AGPS: variants seen among roughly 807,000 people sequenced by gnomAD.
AGPS encodes alkylglycerone phosphate synthase, also known as alkyldihydroxyacetonephosphate synthase, peroxisomal.
A neutral mutation model predicts 90.7 loss-of-function variants in AGPS; 26 were observed. That is an observed-to-expected ratio of 0.29 (90% CI 0.21 to 0.40). AGPS has a LOEUF of 0.40. AGPS is among the 10% of genes least tolerant of loss of function. AGPS has a pLI of 1.00. For missense variants in AGPS, 540 were observed against 816.1 expected (o/e 0.66, Z 4.12); for synonymous variants, 294 against 285.3 (o/e 1.03, Z -0.31).
At chr2:177,506,392 A>C (rs1688713013) in intron 15 of AGPS, among the ~76,000 whole-genome samples, 1 of 151,780 alleles carries the variant, frequency 6.6e-6, no homozygotes, top group Admixed American at 6.6e-5. Context: ...TTTTCAGGGT[A>C]CGTATGATAT....
intron 1 of AGPS, among the ~76,000 whole-genome samples, chr2:177,405,003 G>C (rs928231238): frequency 1.3e-5 from 2 of 152,188 alleles, no homozygotes; most frequent in African/African-American, 4.8e-5. Context: ...TATTCTAAGA[G>C]TACAGGGGTG....
Position 177,468,264 on chromosome 2 carries a change from A to G in AGPS, c.997-152A>G. Reference sequence around the variant, plus strand: ...ATTTAACTTTAGTCTAAAAATTACTAAAAGATACTAGAATTCTTAAAAGCA... The same window carrying G: ...ATTTAACTTTAGTCTAAAAATTACTGAAAGATACTAGAATTCTTAAAAGCA... On this transcript the variant is annotated intron_variant, in intron 9 of 19. Transcript: ENST00000264167. 3 of 504,414 alleles carry G rather than the reference A, an allele frequency of 5.9e-6. No homozygotes were observed. In the South Asian group the frequency reaches 1.1e-4, roughly 19 times the overall value. 31.2% of individuals were successfully genotyped at this position (504,414 alleles called of 1,614,324 possible).
Position 177,542,327 on chromosome 2 carries a change from A to G in AGPS, c.*4132A>G, listed in dbSNP as rs544412431. 147 of 152,268 alleles carry G rather than the reference A, an allele frequency of 9.7e-4. No individual in the cohort carries two copies. Among genetic ancestry groups the G allele is most frequent in the Admixed American group, 3.9e-3 (59 of 15,286 alleles). 9.4% of individuals were successfully genotyped at this position (152,268 alleles called of 1,614,324 possible). On this transcript the variant is annotated 3_prime_UTR_variant, in exon 20 of 20. Coordinates refer to ENST00000264167, the MANE Select transcript of AGPS (RefSeq NM_003659.4). ...ATTCCCAGGAGGCTTTGAGACTCCT[A>G]TGAACCTGAAGCACTCCCTTTTGAA...
chr2:177,419,547 A>G (rs1365413868), intron 1 of AGPS, among the ~76,000 whole-genome samples: 1 of 151,936 alleles, frequency 6.6e-6, no homozygotes, highest in African/African-American at 2.4e-5. Flanking sequence ...GCAAAATTGA[A>G]TGATTCAACC....
At chr2:177,396,871 C>G (rs1574335801) in intron 1 of AGPS, among the ~76,000 whole-genome samples, 1 of 151,774 alleles carries the variant, frequency 6.6e-6, no homozygotes, top group Non-Finnish European at 1.5e-5. Context: ...GAGGGCTGAC[C>G]AAACAAAACC....
intron 11 of AGPS, among the ~76,000 whole-genome samples, chr2:177,488,654 A>G (rs12618139): frequency 0.1 from 15,882 of 152,134 alleles, 1,160 homozygotes; most frequent in East Asian, 0.34. Flanking sequence ...AAATTTTTGT[A>G]TAGCACATGG....
intron 11 of AGPS, among the ~76,000 whole-genome samples, chr2:177,489,116 G>A (rs1283958958): frequency 2.1e-5 from 3 of 140,986 alleles, no homozygotes; most frequent in Admixed American, 7.6e-5. Context: ...ACGGAGTCTC[G>A]CTCTATTGCC....
Position 177,541,368 on chromosome 2 carries a change from A to G in AGPS, c.*3173A>G, listed in dbSNP as rs2079233596. ...AGCTACAACTTAACTGTAGCTTATC[A>G]GAGAAGCTCTGTAGTCCTACACTGA... On this transcript the variant is annotated 3_prime_UTR_variant, in exon 20 of 20. Transcript: ENST00000264167. 6.6e-6 allele frequency: 1 copy of G among 152,156 alleles called. No homozygotes were observed. The highest frequency in any genetic ancestry group is 1.5e-5 in the Non-Finnish European group (1 of 68,020). 9.4% of individuals were successfully genotyped at this position (152,156 alleles called of 1,614,324 possible). A position where few individuals can be genotyped will look rare whatever the true frequency, so the allele number is the denominator to read the frequency against.
chr2:177,542,401 A>G lies in AGPS; in HGVS notation c.*4206A>G, dbSNP rs1227141313. The stretch of plus-strand genomic sequence containing the variant: ...AGCACTCTTGTGCTCTTCTAATCAT[A>G]ATTAATTCCTTAACAAATCAGAGTA... On this transcript the variant is annotated 3_prime_UTR_variant, in exon 20 of 20. Transcript: ENST00000264167. The G allele has an allele frequency of 6.6e-6, 1 of 152,184 alleles. No individual in the cohort carries two copies. Among genetic ancestry groups the G allele is most frequent in the Non-Finnish European group, 1.5e-5 (1 of 68,034 alleles). The allele number at this position is 152,184 out of a possible 1,614,324, so 9.4% of individuals were successfully genotyped here. A position where few individuals can be genotyped will look rare whatever the true frequency, so the allele number is the denominator to read the frequency against.
intron 11 of AGPS, among the ~76,000 whole-genome samples, chr2:177,485,990 C>T (rs1688082543): frequency 6.6e-6 from 1 of 152,166 alleles, no homozygotes; most frequent in Non-Finnish European, 1.5e-5. Context: ...ATAGACAGTG[C>T]TACCATGTGG....
intron 10 of AGPS, among the ~76,000 whole-genome samples, chr2:177,479,716 G>C (rs924186417): frequency 6.6e-6 from 1 of 152,226 alleles, no homozygotes; most frequent in Non-Finnish European, 1.5e-5. Context: ...GTCCAGAATA[G>C]GCAAGTCTGT....
At chr2:177,419,622 G>A (rs1360736222) in intron 1 of AGPS, among the ~76,000 whole-genome samples, 2 of 151,854 alleles carry the variant, frequency 1.3e-5, no homozygotes, top group Non-Finnish European at 3.0e-5. Context: ...ATTAAAAATA[G>A]CATGTTATGA....
chr2:177,521,228 C>A, intron 17 of AGPS, 41 bp from the exon 18 acceptor site: 1 of 1,534,240 alleles, frequency 6.5e-7, no homozygotes, highest in Non-Finnish European at 9.0e-7. Context: ...TCTGATTTCA[C>A]TTAACTTAAA....
rs10618529 is a variant in AGPS at position 177,444,420 on chromosome 2, CAAAAAAA to C, written c.790-1112_790-1106del. Among the ~76,000 whole-genome samples the C allele has an allele frequency of 4.8e-3, 436 of 90,992 alleles. 1 individual carries two copies. Among genetic ancestry groups the C allele is most frequent in the African/African-American group, 0.015 (413 of 27,856 alleles). The allele number at this position is 90,992 out of a possible 152,430, so 59.7% of individuals were successfully genotyped here. A position where few individuals can be genotyped will look rare whatever the true frequency, so the allele number is the denominator to read the frequency against. On this transcript the variant is annotated intron_variant, in intron 7 of 19. Coordinates refer to ENST00000264167, the MANE Select transcript of AGPS (RefSeq NM_003659.4). ...TGGGTGACAGAGCAAGACTCTGTCT[CAAAAAAA>C]AAAAAAAAAAAAAGAAAGAAAGAAA... is the stretch of plus-strand genomic sequence containing the variant.
At chr2:177,491,856 G>A (rs562592319) in intron 11 of AGPS, among the ~76,000 whole-genome samples, 3 of 139,890 alleles carry the variant, frequency 2.1e-5, no homozygotes, top group East Asian at 2.1e-4. Context: ...CACAATCTTC[G>A]CTCACTGCAA....
At chr2:177,515,067 A>G (rs1007143341) in intron 17 of AGPS, among the ~76,000 whole-genome samples, 3 of 150,652 alleles carry the variant, frequency 2.0e-5, no homozygotes, top group African/African-American at 7.3e-5. Flanking sequence ...AAAGGCAAAG[A>G]GAGGTCTTGT....
chr2:177,431,040 A>G (rs981482760), intron 2 of AGPS, among the ~76,000 whole-genome samples: 3 of 152,170 alleles, frequency 2.0e-5, no homozygotes, highest in African/African-American at 7.2e-5. Flanking sequence ...AGATGATTGT[A>G]TATACTTATC....
chr2:177,445,626 G>C lies in AGPS; in HGVS notation c.870G>C (p.Gln290His). The C allele has an allele frequency of 3.8e-6, 6 of 1,581,334 alleles. No individual in the cohort carries two copies. Among genetic ancestry groups the C allele is most frequent in the Non-Finnish European group, 5.2e-6 (6 of 1,163,882 alleles). ...AGITGQELER[Q>H]LKESGYCTGH... ...TAACAGGACAAGAGTTGGAAAGACA[G>C]GTATGTTATTTATTTTTCTTATTTT... The change falls in exon 8 of 20, where the codon CAG (glutamine) becomes CAC (histidine). Residue 290 changes from glutamine to histidine, a missense_variant and splice_region_variant. By Grantham distance (24) the Gln-to-His change is conservative. Coordinates refer to ENST00000264167, the MANE Select transcript of AGPS (RefSeq NM_003659.4).
At chr2:177,493,623 A>C (rs144010495) in intron 12 of AGPS, among the ~76,000 whole-genome samples, 1 of 152,142 alleles carries the variant, frequency 6.6e-6, no homozygotes, top group South Asian at 2.1e-4. Flanking sequence ...AAATTGTTCT[A>C]TGTGGCTCAA....
Sources: gnomAD v4.1 joint callset for allele counts (sites outside exome capture counted in the v4.1 genomes callset) on GRCh38, gnomAD v4.1.1 for gene constraint, MANE v1.5 for transcripts, NCBI Gene and HGNC (gene_info 2026-07-23, HGNC 2026-07-21) for gene names.